HECW2: variants seen among roughly 807,000 people sequenced by gnomAD.
The protein encoded by HECW2 is E3 ubiquitin-protein ligase HECW2.
Under a neutral mutation model 175.2 loss-of-function variants are expected in HECW2, and 61 were observed. The observed-to-expected ratio is 0.35, with a 90% confidence interval of 0.28 to 0.43. HECW2 has a LOEUF of 0.43. Ranked by LOEUF, HECW2 falls within the 20% of genes least tolerant of loss-of-function variation. The pLI, the probability that HECW2 is intolerant of heterozygous loss-of-function variation, is 1.00. For missense variants in HECW2, 1,524 were observed against 2,000.5 expected (o/e 0.76, Z 4.54); for synonymous variants, 671 against 731.0 (o/e 0.92, Z 1.32).
intron 1 of HECW2, among the ~76,000 whole-genome samples, chr2:196,442,731 GA>G (rs1465932113): frequency 6.6e-6 from 1 of 151,936 alleles, no homozygotes; most frequent in African/African-American, 2.4e-5. Flanking sequence ...AACACACATA[GA>G]AAAAAGAGTA....
chr2:196,440,670 C>T (rs1427328945), intron 1 of HECW2, among the ~76,000 whole-genome samples: 1 of 152,150 alleles, frequency 6.6e-6, no homozygotes, highest in Non-Finnish European at 1.5e-5. Context: ...TTTCTTATTG[C>T]CTTCTGCAAT....
At position 196,307,204 on chromosome 2, in the gene HECW2, T is replaced by G. The variant is rs976876827; in HGVS notation, c.2615A>C (p.Asn872Thr). The G allele has an allele frequency of 2.2e-5, 35 of 1,613,486 alleles. No individual in the cohort carries two copies. Among genetic ancestry groups the G allele is most frequent in the Non-Finnish European group, 2.6e-5 (31 of 1,179,490 alleles). Residue 872 changes from asparagine (N) to threonine (T), a missense_variant, in exon 12 of 29, where the codon AAT becomes ACT. Around this residue, in one of 11 missense-constraint regions of HECW2, gnomAD observed 105 missense variants for 98.1 expected, o/e 1.07. Coordinates refer to ENST00000644978, the MANE Select transcript of HECW2 (RefSeq NM_001348768.2). ...ATTGGTATTTTCCTCAGGCCTCTCA[T>G]TGGTCATGGTTCTGCGGATACTCTG... ...RYQSIRRTMT[N>T]ERPEENTNAI...
intron 1 of HECW2, among the ~76,000 whole-genome samples, chr2:196,534,573 C>T (rs1364615351): frequency 6.6e-6 from 1 of 152,178 alleles, no homozygotes; most frequent in African/African-American, 2.4e-5. Flanking sequence ...ATGCCTCACT[C>T]CATCTCCCAT....
Position 196,329,565 on chromosome 2 carries a change from A to T in HECW2, c.571+10T>A, listed in dbSNP as rs1291035751. 6.2e-7 allele frequency: 1 copy of T among 1,608,176 alleles called. No homozygotes were observed. The highest frequency in any genetic ancestry group is 1.7e-5 in the Admixed American group (1 of 59,978). On this transcript the variant is annotated intron_variant, in intron 5 of 28. Transcript: ENST00000644978. ...TTCAAACTGGATGTCACGTTTAAAG[A>T]CATTCTTACCTGACAATGTAAAGCT...
chr2:196,381,409 T>C (rs1037161421), intron 2 of HECW2, among the ~76,000 whole-genome samples: 4 of 152,136 alleles, frequency 2.6e-5, no homozygotes, highest in Admixed American at 6.6e-5. Flanking sequence ...TAAATCAGTA[T>C]AGAAAAATAA....
Position 196,292,741 on chromosome 2 carries a change from G to T in HECW2, c.2824C>A (p.Arg942Ser). The change falls in exon 14 of 29, where the codon CGC becomes AGC. Residue 942 changes from arginine to serine, a missense_variant. Around this residue, in one of 11 missense-constraint regions of HECW2, gnomAD observed 105 missense variants for 98.1 expected, o/e 1.07. Transcript: ENST00000644978. ...AAACACGTGTTGTTTGTAAACATGC[G>T]GTAGGCACTCTAAAGAAAAGAATGG... ...TVLHSNPSAYRMFTNNTCLKH... is the reference protein window; with the variant it reads ...TVLHSNPSAYSMFTNNTCLKH... The T allele has an allele frequency of 1.2e-6, 2 of 1,611,614 alleles. No homozygotes were observed. Among genetic ancestry groups the T allele is most frequent in the Non-Finnish European group, 1.7e-6 (2 of 1,178,100 alleles).
intron 6 of HECW2, among the ~76,000 whole-genome samples, chr2:196,322,982 A>G (rs7596132): frequency 0.56 from 85,944 of 152,144 alleles, 27,730 homozygotes; most frequent in East Asian, 0.81. Context: ...ATCTTGTTAT[A>G]GAATGGATTA....
rs769047159 is a variant in HECW2, at chr2:196,319,136, G to A, written c.1754C>T (p.Ser585Phe). 1.9e-6 allele frequency: 3 copies of A among 1,593,892 alleles called. No individual in the cohort carries two copies. The highest frequency in any genetic ancestry group is 2.3e-5 in the South Asian group (2 of 87,198). ...QPTSGADTGT[S>F]DASGGSRRAV... The stretch of plus-strand genomic sequence containing the variant: ...TCTTCGGCTTCCTCCTGATGCATCG[G>A]AAGTCCCTGTGTCTGCGCCACTTGT... Residue 585 changes from serine to phenylalanine, a missense_variant, in exon 9 of 29, where the codon TCC (serine) becomes TTC (phenylalanine). Coordinates refer to ENST00000644978, the MANE Select transcript of HECW2 (RefSeq NM_001348768.2).
chr2:196,414,069 G>A (rs950347896), intron 2 of HECW2, among the ~76,000 whole-genome samples: 1 of 152,196 alleles, frequency 6.6e-6, no homozygotes, highest in African/African-American at 2.4e-5. Context: ...GCACTGAGAA[G>A]ACAGTCCCCT....
At chr2:196,447,010 C>T (rs939357280) in intron 1 of HECW2, among the ~76,000 whole-genome samples, 1 of 152,144 alleles carries the variant, frequency 6.6e-6, no homozygotes, top group African/African-American at 2.4e-5. Flanking sequence ...TTTATGAGAT[C>T]CCCAATGAGG....
At chr2:196,542,116 TAGTC>T (rs1442896563) in intron 1 of HECW2, among the ~76,000 whole-genome samples, 1 of 151,450 alleles carries the variant, frequency 6.6e-6, no homozygotes, top group Admixed American at 6.6e-5. Context: ...ATACAAAAAT[TAGTC>T]AGACGTGGTG....
chr2:196,412,147 T>G (rs4850395), intron 2 of HECW2, among the ~76,000 whole-genome samples: 140,622 of 152,294 alleles, frequency 0.92, 65,318 homozygotes, highest in East Asian at 1. Flanking sequence ...CCGTGATAAA[T>G]TACCACAAAC....
chr2:196,267,347 C>T (rs997346088), intron 17 of HECW2, among the ~76,000 whole-genome samples: 5 of 151,994 alleles, frequency 3.3e-5, no homozygotes, highest in East Asian at 1.9e-4. Context: ...TATTTGTATT[C>T]GTATAAAATG....
chr2:196,501,254 G>T (rs1235224355), intron 1 of HECW2, among the ~76,000 whole-genome samples: 2 of 152,126 alleles, frequency 1.3e-5, no homozygotes, highest in Non-Finnish European at 2.9e-5. Flanking sequence ...GAGACAGTTG[G>T]AAGGGATGCC....
intron 28 of HECW2, among the ~76,000 whole-genome samples, chr2:196,213,922 C>A (rs1162141432): frequency 6.6e-6 from 1 of 152,162 alleles, no homozygotes; most frequent in East Asian, 1.9e-4. Context: ...GAAGTGTTCT[C>A]TAAGGTCCCA....
intron 2 of HECW2, among the ~76,000 whole-genome samples, chr2:196,391,305 T>C (rs1261811545): frequency 6.6e-6 from 1 of 152,136 alleles, no homozygotes; most frequent in African/African-American, 2.4e-5. Flanking sequence ...ACTGGCTGTG[T>C]TGTAATGTAT....
intron 14 of HECW2, among the ~76,000 whole-genome samples, chr2:196,279,055 A>T (rs6712485): frequency 0.17 from 24,816 of 149,546 alleles, 2,134 homozygotes; most frequent in Middle Eastern, 0.24. Flanking sequence ...AAAAAAAAAA[A>T]TTTTTTTTTT....
chr2:196,523,255 C>G (rs1325790846), intron 1 of HECW2, among the ~76,000 whole-genome samples: 2 of 151,898 alleles, frequency 1.3e-5, no homozygotes, highest in Non-Finnish European at 2.9e-5. Context: ...TGGGAGTTCA[C>G]TCATCATTTG....
At chr2:196,381,727 G>A (rs1694212087) in intron 2 of HECW2, among the ~76,000 whole-genome samples, 1 of 152,072 alleles carries the variant, frequency 6.6e-6, no homozygotes, top group Non-Finnish European at 1.5e-5. Flanking sequence ...ATGACTAGAA[G>A]TCTAGTGTGA....
Sources: allele counts gnomAD v4.1 joint callset (sites outside exome capture counted in the v4.1 genomes callset), GRCh38; gene constraint gnomAD v4.1.1; regional missense constraint gnomAD v4.1.1; transcripts MANE v1.5; gene names NCBI Gene and HGNC (gene_info 2026-07-23, HGNC 2026-07-21).